Variants in RELN observed in about 807,000 individuals in gnomAD.
RELN encodes reelin.
A neutral mutation model predicts 427.6 loss-of-function variants in RELN; 108 were observed. The observed-to-expected ratio is 0.25, with a 90% confidence interval of 0.22 to 0.30. The LOEUF (loss-of-function observed/expected upper bound fraction) is 0.30, where lower values mean the gene tolerates loss of function less well. RELN is among the 10% of genes least tolerant of loss of function. The pLI is 1.00. For missense variants in RELN, 3,715 were observed against 4,302.8 expected (o/e 0.86, Z 3.82); for synonymous variants, 1,524 against 1,513.4 (o/e 1.01, Z -0.16).
chr7:103,733,082 C>T (rs1584444981), intron 6 of RELN, among the ~76,000 whole-genome samples: 1 of 151,938 alleles, frequency 6.6e-6, no homozygotes, highest in Non-Finnish European at 1.5e-5. Flanking sequence ...TGAACTCAAA[C>T]AAATTTACAA....
intron 8 of RELN, among the ~76,000 whole-genome samples, chr7:103,722,874 C>T (rs1292057856): frequency 6.6e-6 from 1 of 152,084 alleles, no homozygotes; most frequent in African/African-American, 2.4e-5. Context: ...CCAATGTATG[C>T]AAAATACATA....
chr7:103,598,908 T>C (rs1448723084), intron 24 of RELN, among the ~76,000 whole-genome samples: 1 of 152,236 alleles, frequency 6.6e-6, no homozygotes, highest in African/African-American at 2.4e-5. Flanking sequence ...TTTATGTGTA[T>C]ATGTGTAAAC....
intron 60 of RELN, among the ~76,000 whole-genome samples, 180 bp from the exon 61 acceptor site, chr7:103,486,596 G>GT (rs1291661980): frequency 6.6e-6 from 1 of 150,648 alleles, no homozygotes; most frequent in East Asian, 1.9e-4. Context: ...AGTGGGTGAG[G>GT]TTTTGAACAG....
At chr7:103,526,119 A>G (rs1829817514) in intron 46 of RELN, among the ~76,000 whole-genome samples, 1 of 152,200 alleles carries the variant, frequency 6.6e-6, no homozygotes, top group African/African-American at 2.4e-5. Flanking sequence ...CTGGCAGCCG[A>G]GAGGTGGCAT....
At chr7:103,875,161 G>A (rs868624302) in intron 2 of RELN, among the ~76,000 whole-genome samples, 8 of 146,990 alleles carry the variant, frequency 5.4e-5, no homozygotes, top group Non-Finnish European at 1.1e-4. Flanking sequence ...CCATATGTAG[G>A]AAGCTGAAAC....
chr7:103,566,412 C>T lies in RELN; in HGVS notation c.4748G>A (p.Gly1583Glu), dbSNP rs370055024. The T allele has an allele frequency of 1.2e-6, 2 of 1,613,612 alleles. No homozygotes were observed. The highest frequency in any genetic ancestry group is 1.7e-6 in the Non-Finnish European group (2 of 1,179,566). Reference protein sequence around the residue: ...TAFRWWQPQHGKHSAQWALDD... With the variant: ...TAFRWWQPQHEKHSAQWALDD... ...CAAAGCCCACTGGGCTGAATGCTTC[C>T]CTGCAATCAGATGAATAAAGGTGGT... is the stretch of plus-strand genomic sequence containing the variant. The change falls in exon 33 of 65, where the codon GGG (glycine) becomes GAG (glutamate). Residue 1583 changes from glycine to glutamate, a missense_variant and splice_region_variant. Physicochemically the swap from Gly to Glu is moderately conservative, Grantham distance 98. Transcript: ENST00000428762.
At chr7:103,519,957 G>GT (rs1562868350) in intron 48 of RELN, among the ~76,000 whole-genome samples, 1 of 152,160 alleles carries the variant, frequency 6.6e-6, no homozygotes, top group African/African-American at 2.4e-5. Flanking sequence ...CTAGTACACA[G>GT]TAGGTACCCA....
intron 52 of RELN, 69 bp from the exon 53 acceptor site, chr7:103,500,991 T>C (rs761102493): frequency 3.2e-5 from 44 of 1,379,708 alleles, no homozygotes; most frequent in Non-Finnish European, 3.3e-5. Flanking sequence ...TTGTCCTGCA[T>C]GTGTATTCAG....
At chr7:103,761,501 T>C (rs1239223971) in intron 4 of RELN, among the ~76,000 whole-genome samples, 1 of 152,204 alleles carries the variant, frequency 6.6e-6, no homozygotes, top group Non-Finnish European at 1.5e-5. Context: ...TTGGCCATGC[T>C]AGAGTGCAGT....
At chr7:103,784,829 TTA>T (rs1272805449) in intron 3 of RELN, among the ~76,000 whole-genome samples, 2 of 152,164 alleles carry the variant, frequency 1.3e-5, no homozygotes, top group Non-Finnish European at 2.9e-5. Flanking sequence ...CACAGGGATT[TTA>T]GTCTGTTTCC....
intron 1 of RELN, among the ~76,000 whole-genome samples, chr7:103,926,052 T>C (rs946682785): frequency 2.7e-5 from 4 of 150,016 alleles, no homozygotes; most frequent in South Asian, 2.1e-4. Flanking sequence ...TAACTCCTAA[T>C]AGTGCCCCAA....
chr7:103,909,732 TTA>T lies in RELN; in HGVS notation c.337+7341_337+7342del, dbSNP rs1326908224. On this transcript the variant is annotated intron_variant, in intron 2 of 64. Transcript: ENST00000428762. ...TATAAATATATATTAAATATATTTT[TTA>T]ATATATATAAATATATATATTAAAT... Among the ~76,000 whole-genome samples, 7 of 33,422 alleles carry T rather than the reference TTA, an allele frequency of 2.1e-4. 1 individual carries two copies. The South Asian group carries it at 8.9e-3, about 42-fold the overall frequency. The allele number at this position is 33,422 out of a possible 152,430, so 21.9% of individuals were successfully genotyped here. A position where few individuals can be genotyped will look rare whatever the true frequency, so the allele number is the denominator to read the frequency against.
intron 28 of RELN, among the ~76,000 whole-genome samples, chr7:103,577,125 T>G (rs1831021618): frequency 6.6e-6 from 1 of 152,172 alleles, no homozygotes; most frequent in South Asian, 2.1e-4. Context: ...AGCTTCTTAG[T>G]ACACAAGGAT....
chr7:103,729,321 C>T (rs917493849), intron 6 of RELN, among the ~76,000 whole-genome samples: 7 of 152,088 alleles, frequency 4.6e-5, no homozygotes, highest in East Asian at 1.9e-4. Flanking sequence ...GAGTAGAACA[C>T]CCATCCAAAT....
At chr7:103,910,253 C>T (rs568976283) in intron 2 of RELN, among the ~76,000 whole-genome samples, 91 of 141,348 alleles carry the variant, frequency 6.4e-4, no homozygotes, top group African/African-American at 2.4e-3. Flanking sequence ...GATTTTTGTA[C>T]ATTGATTTTG....
intron 1 of RELN, among the ~76,000 whole-genome samples, chr7:103,979,176 C>T (rs1664878070): frequency 6.6e-6 from 1 of 152,228 alleles, no homozygotes; most frequent in South Asian, 2.1e-4. Context: ...CAGCCTGAAT[C>T]TCTCCTCGGC....
In RELN at chr7:103,651,650, A is replaced by G. The variant is rs1185729779; in HGVS notation, c.1892+11T>C. The G allele has an allele frequency of 1.2e-6, 2 of 1,610,032 alleles. No homozygotes were observed. The highest frequency in any genetic ancestry group is 1.7e-6 in the Non-Finnish European group (2 of 1,176,980). On this transcript the variant is annotated intron_variant, in intron 15 of 64. Transcript: ENST00000428762. Reference sequence around the variant, plus strand: ...TCAAGTATTTCAATATCTCAGAGAGAATGTACTCACCCACTGTAGTTTTCA... The same window carrying G: ...TCAAGTATTTCAATATCTCAGAGAGGATGTACTCACCCACTGTAGTTTTCA...
intron 2 of RELN, among the ~76,000 whole-genome samples, chr7:103,869,597 G>C (rs2116519765): frequency 6.6e-6 from 1 of 152,084 alleles, no homozygotes; most frequent in South Asian, 2.1e-4. Flanking sequence ...AAGTGTCCTG[G>C]CTTCCATTGT....
At chr7:103,629,881 C>A in intron 20 of RELN, 59 bp downstream of exon 20, 1 of 1,048,992 alleles carries the variant, frequency 9.5e-7, no homozygotes, top group South Asian at 1.3e-5. Context: ...ACTGGAAGAT[C>A]ATCCTCATGT....
Sources: allele counts gnomAD v4.1 joint callset (sites outside exome capture counted in the v4.1 genomes callset), GRCh38; gene constraint gnomAD v4.1.1; transcripts MANE v1.5; gene names NCBI Gene and HGNC (gene_info 2026-07-23, HGNC 2026-07-21).